Variants in SLCO4C1 observed in about 807,000 individuals in gnomAD.
The protein encoded by SLCO4C1 is solute carrier organic anion transporter family member 4C1, also known as organic anion transporter M1.
SLCO4C1 carries 58 observed loss-of-function variants against 72.1 expected under a neutral mutation model. The observed-to-expected ratio is 0.80, with a 90% CI of 0.65 to 1.00. The LOEUF (loss-of-function observed/expected upper bound fraction) is 1.00, where lower values mean the gene tolerates loss of function less well. Among genes scored for constraint, SLCO4C1 ranks in the 50% least tolerant of loss-of-function variants. The probability of loss-of-function intolerance (pLI) is 0.00; values close to 1 mark genes in which losing one functional copy is unlikely to be tolerated. For missense variants in SLCO4C1, 898 were observed against 857.9 expected (o/e 1.05, Z -0.58); for synonymous variants, 297 against 312.5 (o/e 0.95, Z 0.52).
intron 2 of SLCO4C1, among the ~76,000 whole-genome samples, chr5:102,276,016 A>T (rs1749240445): frequency 6.6e-6 from 1 of 152,160 alleles, no homozygotes; most frequent in East Asian, 1.9e-4. Flanking sequence ...TCCAAACCAC[A>T]CCAGTGGGGA....
chr5:102,271,776 CACAA>C, intron 2 of SLCO4C1, among the ~76,000 whole-genome samples: 3 of 152,092 alleles, frequency 2.0e-5, no homozygotes, highest in African/African-American at 7.2e-5. Flanking sequence ...TCCATAATTA[CACAA>C]ACAATGGTTT....
intron 3 of SLCO4C1, among the ~76,000 whole-genome samples, chr5:102,265,865 T>C (rs1658046917): frequency 6.6e-6 from 1 of 152,204 alleles, no homozygotes; most frequent in African/African-American, 2.4e-5. Flanking sequence ...GGAATTTTGA[T>C]AGGGATTGCA....
chr5:102,281,420 TA>T lies in SLCO4C1; in HGVS notation c.619+9922del, dbSNP rs1749354055. ...GTCTTCACAATAAAAGCATAATCTA[TA>T]AAAGGAAAAAACTGATAAATTCGAC... On this transcript the variant is annotated intron_variant, in intron 2 of 12. Transcript: ENST00000310954. Among the ~76,000 whole-genome samples the T allele has an allele frequency of 1.3e-5, 2 of 151,950 alleles. 1 individual carries two copies. Among genetic ancestry groups the T allele is most frequent in the South Asian group, 4.1e-4 (2 of 4,826 alleles).
chr5:102,249,634 C>A lies in SLCO4C1; in HGVS notation c.1620+4G>T. 3 of 1,613,384 alleles carry A rather than the reference C, an allele frequency of 1.9e-6. No homozygotes were observed. The highest frequency in any genetic ancestry group is 1.7e-4 in the Middle Eastern group (1 of 6,058). ...TTAAGGGAAAAGTAGGAGACATAAG[C>A]TACCTTTGGCTTCCTGTGTGCAACT... On this transcript the variant is annotated splice_donor_region_variant and intron_variant, in intron 9 of 12. Coordinates refer to ENST00000310954, the MANE Select transcript of SLCO4C1 (RefSeq NM_180991.5).
At chr5:102,237,591 G>A (rs1748463206) in intron 12 of SLCO4C1, among the ~76,000 whole-genome samples, 1 of 152,104 alleles carries the variant, frequency 6.6e-6, no homozygotes, top group Admixed American at 6.6e-5. Context: ...CAGCCTGGGT[G>A]ACAGACAGAA....
At chr5:102,274,575 T>C (rs921062328) in intron 2 of SLCO4C1, among the ~76,000 whole-genome samples, 3 of 152,100 alleles carry the variant, frequency 2.0e-5, no homozygotes, top group Non-Finnish European at 4.4e-5. Context: ...TAGGGCAGAA[T>C]GGACTCTGCT....
rs1276204974 is a variant in SLCO4C1, at chr5:102,288,388, C to G, written c.619+2955G>C. ...CATTCCTCCTTCACAATATATCCAA[C>G]AGAGTCCTATTTCTTTTTCCTATAA... On this transcript the variant is annotated intron_variant, in intron 2 of 12. Coordinates refer to ENST00000310954, the MANE Select transcript of SLCO4C1 (RefSeq NM_180991.5). Among the ~76,000 whole-genome samples the G allele has an allele frequency of 2.6e-5, 4 of 152,250 alleles. No homozygotes were observed. The South Asian group carries it at 8.3e-4, about 32-fold the overall frequency.
At chr5:102,286,064 T>C (rs555532855) in intron 2 of SLCO4C1, among the ~76,000 whole-genome samples, 1 of 152,216 alleles carries the variant, frequency 6.6e-6, no homozygotes, top group Non-Finnish European at 1.5e-5. Flanking sequence ...TGTAATCATT[T>C]TCCTAGCACA....
At chr5:102,294,729 A>G (rs1395841455) in intron 1 of SLCO4C1, among the ~76,000 whole-genome samples, 8 of 152,220 alleles carry the variant, frequency 5.3e-5, no homozygotes, top group South Asian at 2.1e-4. Flanking sequence ...TCAGTAGAAG[A>G]GCTGCAGCGG....
chr5:102,286,503 G>A (rs76520833), intron 2 of SLCO4C1, among the ~76,000 whole-genome samples: 127 of 152,210 alleles, frequency 8.3e-4, no homozygotes, highest in Non-Finnish European at 1.6e-3. Context: ...ACTACAATAT[G>A]TTGTGTCATA....
intron 2 of SLCO4C1, among the ~76,000 whole-genome samples, chr5:102,289,188 G>A (rs1199173074): frequency 6.6e-6 from 1 of 152,148 alleles, no homozygotes; most frequent in East Asian, 1.9e-4. Context: ...AGATCAATAA[G>A]AACTTGGTGA....
At chr5:102,265,475 C>T (rs1749019983) in intron 3 of SLCO4C1, among the ~76,000 whole-genome samples, 1 of 151,984 alleles carries the variant, frequency 6.6e-6, no homozygotes, top group Admixed American at 6.6e-5. Context: ...GTCTCTAATC[C>T]ATTTTGAGTT....
At chr5:102,249,549 G>T in intron 9 of SLCO4C1, 89 bp downstream of exon 9, 1 of 1,380,026 alleles carries the variant, frequency 7.2e-7, no homozygotes, top group Non-Finnish European at 1.0e-6. Context: ...AGGAAGGCAA[G>T]AATAGGCATT....
chr5:102,293,816 C>T (rs534785628), intron 1 of SLCO4C1, among the ~76,000 whole-genome samples: 9 of 152,228 alleles, frequency 5.9e-5, no homozygotes, highest in Admixed American at 1.3e-4. Context: ...CTCACTGCAA[C>T]CTCCACCTCC....
At chr5:102,266,433 T>C (rs551155475) in intron 3 of SLCO4C1, among the ~76,000 whole-genome samples, 2 of 152,286 alleles carry the variant, frequency 1.3e-5, no homozygotes, top group Admixed American at 1.3e-4. Context: ...GTGGATTATC[T>C]GAGGTCAGGA....
At chr5:102,260,184 G>GAA (rs547255445) in intron 6 of SLCO4C1, 29 bp downstream of exon 6, 5 of 889,192 alleles carry the variant, frequency 5.6e-6, no homozygotes, top group South Asian at 6.8e-5. Context: ...ATGAGACTGA[G>GAA]AGAGAGACAG....
At chr5:102,245,178 CTTTT>C (rs1748614099) in intron 10 of SLCO4C1, among the ~76,000 whole-genome samples, 1 of 151,798 alleles carries the variant, frequency 6.6e-6, no homozygotes, top group Non-Finnish European at 1.5e-5. Flanking sequence ...TATTAGTTTT[CTTTT>C]TACTTGTTTG....
intron 11 of SLCO4C1, 143 bp downstream of exon 11, chr5:102,240,575 C>A: frequency 1.5e-6 from 1 of 645,474 alleles, no homozygotes; most frequent in Non-Finnish European, 2.7e-6. Flanking sequence ...ATATCTGAAA[C>A]ATTGGAAAAT....
Position 102,257,200 on chromosome 5 carries a change from C to T in SLCO4C1, c.1384G>A (p.Gly462Arg). 5 of 1,609,056 alleles carry T rather than the reference C, an allele frequency of 3.1e-6. No homozygotes were observed. Among genetic ancestry groups the T allele is most frequent in the Non-Finnish European group, 3.4e-6 (4 of 1,178,004 alleles). ...ACAAAACTCAGCGTAAGTGCAACTC[C>T]AGATGTGAACAGTGCAAACTTCATT... Reference protein sequence around the residue: ...NTMKFALFTSGVALTLSFVFM... With the variant: ...NTMKFALFTSRVALTLSFVFM... The change falls in exon 8 of 13, where the codon GGA (glycine) becomes AGA (arginine). Residue 462 changes from glycine (G) to arginine (R), a missense_variant. By Grantham distance (125) the Gly-to-Arg change is moderately radical (BLOSUM62 -2). Transcript: ENST00000310954.
Sources: gnomAD v4.1 joint callset for allele counts (sites outside exome capture counted in the v4.1 genomes callset) on GRCh38, gnomAD v4.1.1 for gene constraint, MANE v1.5 for transcripts, NCBI Gene and HGNC (gene_info 2026-07-23, HGNC 2026-07-21) for gene names.